Variants in GALNTL6 observed in about 807,000 individuals in gnomAD.
GALNTL6 encodes the protein polypeptide N-acetylgalactosaminyltransferase-like 6.
In GALNTL6, 46 loss-of-function variants were observed where a neutral mutation model predicts 73.7. That is an observed-to-expected ratio of 0.62 (90% CI 0.49 to 0.80). GALNTL6 has a LOEUF of 0.80. Among genes scored for constraint, GALNTL6 ranks in the 30% least tolerant of loss-of-function variants. The probability of loss-of-function intolerance (pLI) is 0.00; values close to 1 mark genes in which losing one functional copy is unlikely to be tolerated. For missense variants in GALNTL6, 604 were observed against 755.0 expected, an observed-to-expected ratio of 0.80 and a Z score of 2.34; for synonymous variants, 259 against 263.7, an observed-to-expected ratio of 0.98 and a Z score of 0.17.
chr4:172,264,246 C>T (rs1052329108), intron 3 of GALNTL6, among the ~76,000 whole-genome samples: 1 of 151,184 alleles, frequency 6.6e-6, no homozygotes, highest in African/African-American at 2.4e-5. Context: ...GAAATGTTCA[C>T]TCTATATGGG....
At chr4:172,017,451 A>G (rs141940723) in intron 2 of GALNTL6, among the ~76,000 whole-genome samples, 4 of 152,182 alleles carry the variant, frequency 2.6e-5, no homozygotes, top group African/African-American at 9.6e-5. Context: ...GGCTGTCTAT[A>G]GAGGCCTCCA....
At chr4:172,068,090 G>A (rs1731415340) in intron 2 of GALNTL6, among the ~76,000 whole-genome samples, 2 of 108,080 alleles carry the variant, frequency 1.9e-5, no homozygotes, top group South Asian at 5.4e-4. Flanking sequence ...TGGAACTTTT[G>A]AAACTACAAA....
At chr4:172,545,759 T>C (rs1002680155) in intron 5 of GALNTL6, 2 of 152,154 alleles carry the variant, frequency 1.3e-5, no homozygotes, top group Admixed American at 1.3e-4. Context: ...GTGAGTCGAT[T>C]TATATACTGA....
chr4:172,076,328 C>T (rs1357491375), intron 2 of GALNTL6, among the ~76,000 whole-genome samples: 2 of 152,166 alleles, frequency 1.3e-5, no homozygotes, highest in Non-Finnish European at 2.9e-5. Context: ...GAATCTGGCA[C>T]ATCAGGAGGG....
At chr4:172,811,610 T>TA (rs916905577) in intron 6 of GALNTL6, among the ~76,000 whole-genome samples, 2 of 152,090 alleles carry the variant, frequency 1.3e-5, no homozygotes, top group African/African-American at 4.8e-5. Flanking sequence ...CTTGCCCTGG[T>TA]AAAAAACAAA....
At chr4:172,297,079 G>A (rs925964643) in intron 3 of GALNTL6, among the ~76,000 whole-genome samples, 14 of 151,410 alleles carry the variant, frequency 9.2e-5, no homozygotes, top group South Asian at 2.1e-4. Context: ...ATGGTATCTC[G>A]TGGTTTTGAT....
intron 5 of GALNTL6, among the ~76,000 whole-genome samples, chr4:172,374,513 A>G (rs1351515240): frequency 1.3e-5 from 2 of 152,218 alleles, no homozygotes; most frequent in African/African-American, 4.8e-5. Flanking sequence ...CTGCTCGAGG[A>G]AAGCAGAAGG....
At chr4:173,026,207 G>T (rs1753224774) in intron 12 of GALNTL6, among the ~76,000 whole-genome samples, 1 of 152,178 alleles carries the variant, frequency 6.6e-6, no homozygotes, top group South Asian at 2.1e-4. Flanking sequence ...GACAGGGAGT[G>T]AGGAAGTGAA....
intron 3 of GALNTL6, among the ~76,000 whole-genome samples, chr4:172,253,135 A>C (rs1464833945): frequency 6.6e-6 from 1 of 151,996 alleles, no homozygotes; most frequent in Non-Finnish European, 1.5e-5. Flanking sequence ...TTTTTATTAC[A>C]TGTAATCAGA....
At chr4:172,831,630 A>G (rs1201167352) in intron 7 of GALNTL6, among the ~76,000 whole-genome samples, 2 of 152,150 alleles carry the variant, frequency 1.3e-5, no homozygotes, top group Non-Finnish European at 2.9e-5. Flanking sequence ...CCGGAACTGG[A>G]TGTGGGGTCT....
At chr4:172,255,322 T>C (rs1040739156) in intron 3 of GALNTL6, among the ~76,000 whole-genome samples, 1 of 67,038 alleles carries the variant, frequency 1.5e-5, no homozygotes, top group African/African-American at 5.0e-5. Flanking sequence ...TGCTGAGAAG[T>C]AGACAGAAAA....
intron 2 of GALNTL6, among the ~76,000 whole-genome samples, chr4:172,140,224 A>G (rs555236427): frequency 2.0e-5 from 3 of 152,166 alleles, no homozygotes; most frequent in South Asian, 4.1e-4. Context: ...TTGCAGCTAC[A>G]TGTTGCAGAA....
chr4:172,603,817 A>G (rs1738158163), intron 5 of GALNTL6, among the ~76,000 whole-genome samples: 1 of 152,156 alleles, frequency 6.6e-6, no homozygotes, highest in African/African-American at 2.4e-5. Context: ...TCTCTTTCTA[A>G]TTAGCACACA....
At chr4:172,701,565 G>T (rs1734029670) in intron 5 of GALNTL6, among the ~76,000 whole-genome samples, 1 of 152,082 alleles carries the variant, frequency 6.6e-6, no homozygotes, top group Admixed American at 6.6e-5. Context: ...ACTCTGATGG[G>T]GTGGGCTTTA....
intron 5 of GALNTL6, among the ~76,000 whole-genome samples, chr4:172,774,262 T>C (rs1738942039): frequency 6.6e-6 from 1 of 152,214 alleles, no homozygotes; most frequent in East Asian, 1.9e-4. Flanking sequence ...GAAGACGTTC[T>C]GTGTCTCAAC....
At chr4:171,955,812 C>T (rs1739027582) in intron 2 of GALNTL6, among the ~76,000 whole-genome samples, 2 of 151,938 alleles carry the variant, frequency 1.3e-5, no homozygotes, top group South Asian at 4.1e-4. Flanking sequence ...ATATATATAA[C>T]ATGTTACCAT....
At chr4:172,699,786 T>C (rs1034492652) in intron 5 of GALNTL6, among the ~76,000 whole-genome samples, 2 of 151,516 alleles carry the variant, frequency 1.3e-5, no homozygotes, top group African/African-American at 2.4e-5. Flanking sequence ...TTTGGGCCAG[T>C]GGTGAAATAT....
rs562987519 is a variant in GALNTL6, at chr4:172,284,442, T to C, written c.248-27172T>C. 4.8e-4 allele frequency among the ~76,000 whole-genome samples: 71 copies of C among 148,408 alleles called. 1 individual carries two copies. In the Middle Eastern group the frequency reaches 0.014, roughly 30 times the overall value. On this transcript the variant is annotated intron_variant, in intron 3 of 12. Coordinates refer to ENST00000506823, the MANE Select transcript of GALNTL6 (RefSeq NM_001034845.3). ...CCCCACCACACCATGTGCACCCCCCTGCACCTACCTTCTGAGTCTCCAATG... is the reference window on the plus strand; with the variant it reads ...CCCCACCACACCATGTGCACCCCCCCGCACCTACCTTCTGAGTCTCCAATG...
At chr4:171,931,599 T>G (rs547226493) in intron 2 of GALNTL6, among the ~76,000 whole-genome samples, 1 of 152,346 alleles carries the variant, frequency 6.6e-6, no homozygotes, top group African/African-American at 2.4e-5. Context: ...CAATTGCAGA[T>G]TAGTATTAAA....
Sources: gnomAD v4.1 joint callset for allele counts (sites outside exome capture counted in the v4.1 genomes callset) on GRCh38, gnomAD v4.1.1 for gene constraint, MANE v1.5 for transcripts, NCBI Gene and HGNC (gene_info 2026-07-23, HGNC 2026-07-21) for gene names.